Variants in GPC5 observed in about 807,000 individuals in gnomAD.
GPC5 encodes glypican 5.
Under a neutral mutation model 53.9 loss-of-function variants are expected in GPC5, and 47 were observed. That is an observed-to-expected ratio of 0.87 (90% CI 0.69 to 1.11). The LOEUF (loss-of-function observed/expected upper bound fraction) is 1.11. Ranked by LOEUF, GPC5 falls within the 50% of genes most tolerant of loss-of-function variation. The probability of loss-of-function intolerance (pLI) is 0.00; values close to 1 mark genes in which losing one functional copy is unlikely to be tolerated. For synonymous variants in GPC5, 286 were observed against 263.3 expected, an observed-to-expected ratio of 1.09 and a Z score of -0.84; for missense variants, 748 against 713.1, an observed-to-expected ratio of 1.05 and a Z score of -0.56.
intron 7 of GPC5, among the ~76,000 whole-genome samples, chr13:92,272,535 G>A (rs1025003778): frequency 2.6e-5 from 4 of 152,166 alleles, no homozygotes; most frequent in Admixed American, 2.6e-4. Context: ...CCGGACAGGT[G>A]CAGGAGAAAT....
At chr13:92,106,206 A>T (rs551366732) in intron 6 of GPC5, among the ~76,000 whole-genome samples, 25 of 152,192 alleles carry the variant, frequency 1.6e-4, no homozygotes, top group Non-Finnish European at 3.1e-4. Context: ...GGTTGTATCA[A>T]CTTAATAACT....
chr13:91,553,835 G>T (rs1011242941), intron 2 of GPC5, among the ~76,000 whole-genome samples: 3 of 152,024 alleles, frequency 2.0e-5, no homozygotes, highest in Non-Finnish European at 4.4e-5. Context: ...AGATCAGTTT[G>T]ATTTTTAAGA....
intron 6 of GPC5, among the ~76,000 whole-genome samples, chr13:92,078,905 CCTTTT>C (rs2041273350): frequency 6.6e-6 from 1 of 152,190 alleles, no homozygotes; most frequent in Non-Finnish European, 1.5e-5. Flanking sequence ...ATCATGTCCA[CCTTTT>C]TGTCAATACA....
intron 7 of GPC5, among the ~76,000 whole-genome samples, chr13:92,507,718 A>G (rs1880422746): frequency 6.6e-6 from 1 of 152,190 alleles, no homozygotes; most frequent in Non-Finnish European, 1.5e-5. Flanking sequence ...GAAAGAAAAA[A>G]ATGTCAAGGT....
At position 92,708,857 on chromosome 13, in the gene GPC5, C is replaced by CTTTTTTTTTTTTT. The variant is rs752130758; in HGVS notation, c.1562-157394_1562-157382dup. 2.3e-3 allele frequency among the ~76,000 whole-genome samples: 112 copies of CTTTTTTTTTTTTT among 48,184 alleles called. 38 individuals carry two copies. The highest frequency in any genetic ancestry group is 4.1e-3 in the Non-Finnish European group (99 of 24,284). 31.6% of individuals were successfully genotyped at this position (48,184 alleles called of 152,430 possible). On this transcript the variant is annotated intron_variant, in intron 7 of 7. Transcript: ENST00000377067. ...CTAGCAGCATCTAGCTGGAAACCGC[C>CTTTTTTTTTTTTT]TTTTTTTTTTTTTTTTTTTTTTTTT... is the stretch of plus-strand genomic sequence containing the variant.
chr13:92,787,578 T>G (rs1242406149), intron 7 of GPC5, among the ~76,000 whole-genome samples: 3 of 148,880 alleles, frequency 2.0e-5, no homozygotes, highest in Non-Finnish European at 3.0e-5. Context: ...ATGCCTGTAA[T>G]GCCAACATTC....
intron 2 of GPC5, among the ~76,000 whole-genome samples, chr13:91,457,993 A>G (rs1346867520): frequency 6.6e-6 from 1 of 152,168 alleles, no homozygotes; most frequent in Non-Finnish European, 1.5e-5. Flanking sequence ...AATAACAGAT[A>G]CAAGTTAGGA....
At chr13:92,182,633 G>A (rs1185958366) in intron 7 of GPC5, among the ~76,000 whole-genome samples, 2 of 152,136 alleles carry the variant, frequency 1.3e-5, no homozygotes, top group Admixed American at 6.6e-5. Context: ...ATGGGAGGCC[G>A]AGGTGGGCAG....
At chr13:91,416,158 G>A (rs1286996975) in intron 1 of GPC5, among the ~76,000 whole-genome samples, 1 of 152,116 alleles carries the variant, frequency 6.6e-6, no homozygotes, top group African/African-American at 2.4e-5. Context: ...AAGAGTCCAT[G>A]TACAGTATAG....
At chr13:92,133,371 G>A (rs1400229650) in intron 6 of GPC5, among the ~76,000 whole-genome samples, 1 of 152,108 alleles carries the variant, frequency 6.6e-6, no homozygotes. Flanking sequence ...CCTTTTGGAA[G>A]GAAACCTTTA....
At chr13:92,011,421 T>C (rs1362563102) in intron 6 of GPC5, among the ~76,000 whole-genome samples, 1 of 152,232 alleles carries the variant, frequency 6.6e-6, no homozygotes, top group African/African-American at 2.4e-5. Context: ...CCCTTCCTGA[T>C]AAATATGATG....
At chr13:92,863,747 C>T (rs948328077) in intron 7 of GPC5, among the ~76,000 whole-genome samples, 1 of 152,150 alleles carries the variant, frequency 6.6e-6, no homozygotes, top group Non-Finnish European at 1.5e-5. Context: ...CCTGCATCAG[C>T]CTCCCAAAGT....
intron 7 of GPC5, among the ~76,000 whole-genome samples, chr13:92,482,883 G>A (rs1357320519): frequency 6.6e-6 from 1 of 152,150 alleles, no homozygotes; most frequent in East Asian, 1.9e-4. Flanking sequence ...TGCTAATAAA[G>A]ACATACCTGA....
chr13:92,473,326 A>G (rs9589554), intron 7 of GPC5, among the ~76,000 whole-genome samples: 2,408 of 152,166 alleles, frequency 0.016, 62 homozygotes, highest in African/African-American at 0.053. Flanking sequence ...TTTTATTTAT[A>G]CTCGATCACA....
intron 2 of GPC5, among the ~76,000 whole-genome samples, chr13:91,450,753 A>T (rs1431299886): frequency 6.6e-6 from 1 of 152,116 alleles, no homozygotes; most frequent in East Asian, 1.9e-4. Flanking sequence ...TAAAAAATAT[A>T]GAGACATTCT....
At chr13:92,842,892 A>G (rs1234783650) in intron 7 of GPC5, among the ~76,000 whole-genome samples, 2 of 152,198 alleles carry the variant, frequency 1.3e-5, no homozygotes, top group African/African-American at 2.4e-5. Flanking sequence ...AAAAGTATGA[A>G]TGATTTTACC....
chr13:91,574,316 A>C (rs772596052), intron 2 of GPC5, among the ~76,000 whole-genome samples: 14 of 152,160 alleles, frequency 9.2e-5, no homozygotes, highest in Admixed American at 1.3e-4. Flanking sequence ...TCCATGTTGT[A>C]AGATAAGATA....
At chr13:92,462,934 T>G (rs183944240) in intron 7 of GPC5, among the ~76,000 whole-genome samples, 2 of 152,206 alleles carry the variant, frequency 1.3e-5, no homozygotes, top group African/African-American at 4.8e-5. Flanking sequence ...CAGGTTTTGT[T>G]CATTTTTAAA....
chr13:92,568,567 G>A (rs912291398), intron 7 of GPC5, among the ~76,000 whole-genome samples: 7 of 151,956 alleles, frequency 4.6e-5, no homozygotes, highest in African/African-American at 1.2e-4. Context: ...ATGTCTTAAC[G>A]CAACAATTTT....
Sources: allele counts gnomAD v4.1 joint callset (sites outside exome capture counted in the v4.1 genomes callset), GRCh38; gene constraint gnomAD v4.1.1; transcripts MANE v1.5; gene names NCBI Gene and HGNC (gene_info 2026-07-23, HGNC 2026-07-21).